The following SIPA1L2 variants were observed in gnomAD, a reference collection of about 807,000 sequenced individuals.
SIPA1L2 encodes the protein signal induced proliferation associated 1 like 2, also known as signal-induced proliferation-associated 1-like protein 2.
In SIPA1L2, 56 loss-of-function variants were observed where a neutral mutation model predicts 163.9. That is an observed-to-expected ratio of 0.34 (90% CI 0.28 to 0.43). The LOEUF is 0.43. Among genes scored for constraint, SIPA1L2 ranks in the 20% least tolerant of loss-of-function variants. The pLI is 1.00. For synonymous variants in SIPA1L2, 877 were observed against 865.7 expected, an observed-to-expected ratio of 1.01 and a Z score of -0.23; for missense variants, 1,974 against 2,193.5, an observed-to-expected ratio of 0.90 and a Z score of 2.00.
rs942425609 is a variant in SIPA1L2, at chr1:232,465,630, T to C, written c.2244-214A>G. ...GCTGCATACCCAGGGTTTGTTGTTATTGTTGTTTAAGCAAAATGCTTTAAA... is the reference window on the plus strand; with the variant it reads ...GCTGCATACCCAGGGTTTGTTGTTACTGTTGTTTAAGCAAAATGCTTTAAA... On this transcript the variant is annotated intron_variant, in intron 8 of 22. Coordinates refer to ENST00000674635, the MANE Select transcript of SIPA1L2 (RefSeq NM_020808.5). The surrounding 1 kb of genome is among the most constrained non-coding windows in gnomAD (Gnocchi z 4.1). Among the ~76,000 whole-genome samples, 1 of 152,074 alleles carries C rather than the reference T, an allele frequency of 6.6e-6. No homozygotes were observed. The highest frequency in any genetic ancestry group is 1.5e-5 in the Non-Finnish European group (1 of 68,018).
At chr1:232,521,662 T>C (rs1317056303) in intron 2 of SIPA1L2, among the ~76,000 whole-genome samples, 1 of 152,146 alleles carries the variant, frequency 6.6e-6, no homozygotes, top group Non-Finnish European at 1.5e-5. Context: ...GACCAAAGTA[T>C]CCCAAAGTCC....
At chr1:232,591,299 GAGA>G (rs1288483589) in intron 1 of SIPA1L2, among the ~76,000 whole-genome samples, 13 of 152,250 alleles carry the variant, frequency 8.5e-5, no homozygotes, top group African/African-American at 3.1e-4. Context: ...ATATTTCAGA[GAGA>G]AGATCAACAC....
chr1:232,507,113 AT>A (rs1225210799), intron 3 of SIPA1L2, among the ~76,000 whole-genome samples: 1 of 151,348 alleles, frequency 6.6e-6, no homozygotes, highest in Non-Finnish European at 1.5e-5. Context: ...TCTGTACAGG[AT>A]TCCACCCAGG....
chr1:232,517,870 G>A (rs774772025), intron 2 of SIPA1L2, among the ~76,000 whole-genome samples: 3 of 151,794 alleles, frequency 2.0e-5, no homozygotes, highest in Admixed American at 6.6e-5. Context: ...GCAAGAGCCC[G>A]TCTCTACAAA....
In SIPA1L2 at chr1:232,515,388, T is replaced by A. The variant is rs374702087; in HGVS notation, c.-49A>T. The A allele has an allele frequency of 6.6e-7, 1 of 1,510,748 alleles. No individual in the cohort carries two copies. The highest frequency in any genetic ancestry group is 8.8e-7 in the Non-Finnish European group (1 of 1,130,018). The allele number at this position is 1,510,748 out of a possible 1,614,324, so 93.6% of individuals were successfully genotyped here. On this transcript the variant is annotated 5_prime_UTR_variant, in exon 3 of 23. Transcript: ENST00000674635. ...GTCTCACCAGGAAGACTGATGTAAA[T>A]CTAATTACATTGCTACCGACCACGC...
At chr1:232,608,617 T>C (rs1373298103) in intron 1 of SIPA1L2, among the ~76,000 whole-genome samples, 1 of 152,210 alleles carries the variant, frequency 6.6e-6, no homozygotes, top group Non-Finnish European at 1.5e-5. Flanking sequence ...TATTTTAGCA[T>C]TTTGGTGTTG....
chr1:232,405,458 A>G (rs1011035359), intron 19 of SIPA1L2, among the ~76,000 whole-genome samples: 4 of 152,230 alleles, frequency 2.6e-5, no homozygotes, highest in African/African-American at 7.2e-5. Context: ...ATTAAGATCA[A>G]CAACATAGTT....
intron 2 of SIPA1L2, among the ~76,000 whole-genome samples, chr1:232,554,885 C>A (rs1658607055): frequency 6.6e-6 from 1 of 152,232 alleles, no homozygotes. Context: ...GTGAAAGAAT[C>A]TGCACATCAT....
At chr1:232,584,245 A>G (rs1660534765) in intron 1 of SIPA1L2, among the ~76,000 whole-genome samples, 1 of 151,334 alleles carries the variant, frequency 6.6e-6, no homozygotes, top group South Asian at 2.1e-4. Flanking sequence ...TTTTTTTTTT[A>G]GACGGAGTCT....
intron 18 of SIPA1L2, among the ~76,000 whole-genome samples, chr1:232,418,760 C>T (rs959074167): frequency 1.3e-5 from 2 of 152,228 alleles, no homozygotes; most frequent in African/African-American, 2.4e-5. Flanking sequence ...TTCTTTATTA[C>T]AAAATATTGT....
intron 6 of SIPA1L2, among the ~76,000 whole-genome samples, chr1:232,480,154 C>CGTGTGCGTGTGT (rs1553296472): frequency 1.6e-4 from 21 of 132,740 alleles, no homozygotes; most frequent in Non-Finnish European, 3.0e-4. Context: ...TGTGTGTGTG[C>CGTGTGCGTGTGT]GTGTGTGTGT....
At chr1:232,544,615 A>G (rs1043796088) in intron 2 of SIPA1L2, among the ~76,000 whole-genome samples, 1 of 152,170 alleles carries the variant, frequency 6.6e-6, no homozygotes, top group Non-Finnish European at 1.5e-5. Flanking sequence ...CAAAAAGAGC[A>G]TCTGCTCTAA....
intron 1 of SIPA1L2, among the ~76,000 whole-genome samples, chr1:232,597,443 C>T (rs910511808): frequency 8.0e-5 from 12 of 150,486 alleles, no homozygotes; most frequent in East Asian, 2.0e-4. Flanking sequence ...TTTGGGAGGC[C>T]AAGGTGGGCG....
chr1:232,618,549 GA>G (rs1201884575), intron 1 of SIPA1L2, among the ~76,000 whole-genome samples: 2 of 151,882 alleles, frequency 1.3e-5, no homozygotes, highest in Non-Finnish European at 2.9e-5. Context: ...AGCTAATCAG[GA>G]GGCTGAGGCA....
At chr1:232,487,560 C>T (rs1425154442) in intron 5 of SIPA1L2, among the ~76,000 whole-genome samples, 1 of 152,122 alleles carries the variant, frequency 6.6e-6, no homozygotes, top group African/African-American at 2.4e-5. Flanking sequence ...GTCTAAATAA[C>T]ACTTTGTTTA....
intron 2 of SIPA1L2, among the ~76,000 whole-genome samples, chr1:232,532,416 C>T (rs553951903): frequency 1.8e-4 from 28 of 152,204 alleles, no homozygotes; most frequent in Non-Finnish European, 3.8e-4. Context: ...GCCTGAGACA[C>T]AGCAAGAACT....
intron 22 of SIPA1L2, among the ~76,000 whole-genome samples, chr1:232,400,550 C>G (rs1159129055): frequency 1.3e-5 from 2 of 152,124 alleles, no homozygotes; most frequent in Non-Finnish European, 2.9e-5. Flanking sequence ...CCACTACTTC[C>G]TACAATTCCA....
intron 1 of SIPA1L2, among the ~76,000 whole-genome samples, chr1:232,616,688 T>C (rs1384400946): frequency 1.3e-5 from 2 of 152,200 alleles, no homozygotes; most frequent in African/African-American, 4.8e-5. Context: ...GTAGTGTCTC[T>C]TAGAGCAGGC....
chr1:232,561,435 T>C (rs1357421038), intron 2 of SIPA1L2: 1 of 152,202 alleles, frequency 6.6e-6, no homozygotes, highest in Non-Finnish European at 1.5e-5. Flanking sequence ...TATTTCCATA[T>C]ACAAAACTAC....
Sources: gnomAD v4.1 joint callset for allele counts (sites outside exome capture counted in the v4.1 genomes callset) on GRCh38, gnomAD v4.1.1 for gene constraint, Gnocchi (gnomAD v3.1) non-coding constraint, MANE v1.5 for transcripts, NCBI Gene and HGNC (gene_info 2026-07-23, HGNC 2026-07-21) for gene names.